The following IPO11 variants were observed in gnomAD, a reference collection of about 807,000 sequenced individuals.
The protein encoded by IPO11 is importin 11.
A neutral mutation model predicts 143.2 loss-of-function variants in IPO11; 66 were observed. The observed-to-expected ratio is 0.46, with a 90% CI of 0.38 to 0.57. The LOEUF is 0.57. Ranked by LOEUF, IPO11 falls within the 20% of genes least tolerant of loss-of-function variation. The pLI is 0.00. For synonymous variants in IPO11, 385 were observed against 377.8 expected (o/e 1.02, Z -0.22); for missense variants, 1,026 against 1,141.0 (o/e 0.90, Z 1.45).
chr5:62,480,622 G>A (rs933308197), intron 9 of IPO11, among the ~76,000 whole-genome samples: 1 of 152,080 alleles, frequency 6.6e-6, no homozygotes, highest in African/African-American at 2.4e-5. Flanking sequence ...GTTGAGCAGT[G>A]GTTTGTAGTT....
intron 19 of IPO11, among the ~76,000 whole-genome samples, chr5:62,510,002 A>G (rs563507776): frequency 1.3e-5 from 2 of 152,300 alleles, no homozygotes; most frequent in South Asian, 4.1e-4. Context: ...GTAACATTTT[A>G]CATTCCTAGC....
At chr5:62,564,209 C>A (rs1743862345) in intron 27 of IPO11, among the ~76,000 whole-genome samples, 1 of 151,550 alleles carries the variant, frequency 6.6e-6, no homozygotes, top group Non-Finnish European at 1.5e-5. Context: ...ACCTTTATTG[C>A]AGTAGAAATT....
chr5:62,499,552 A>T (rs1329228492), intron 16 of IPO11, among the ~76,000 whole-genome samples: 1 of 149,642 alleles, frequency 6.7e-6, no homozygotes, highest in Non-Finnish European at 1.5e-5. Context: ...CAATAAATTA[A>T]CCACATCTTA....
chr5:62,443,391 G>A (rs1744572355), intron 3 of IPO11: 1 of 107,220 alleles, frequency 9.3e-6, no homozygotes, highest in Non-Finnish European at 1.7e-5. Context: ...GAGTGTGTGT[G>A]TGTGTGTGTG....
intron 26 of IPO11, chr5:62,560,853 T>G (rs1743745196): frequency 4.9e-6 from 1 of 205,546 alleles, no homozygotes; most frequent in Non-Finnish European, 9.7e-6. Context: ...TTGTACCAGA[T>G]TGGCAGTGAT....
chr5:62,579,276 G>A lies in IPO11; in HGVS notation c.2583-12301G>A, dbSNP rs1156643067. ...CTCATTATTTTTTGCTATTACCATG[G>A]TATGATTTATGATAGTATTATTGGC... On this transcript the variant is annotated intron_variant, in intron 27 of 29. Coordinates refer to ENST00000325324, the MANE Select transcript of IPO11 (RefSeq NM_016338.5). 4.4e-6 allele frequency: 3 copies of A among 677,890 alleles called. No individual in the cohort carries two copies. In the East Asian group the frequency reaches 8.3e-5, roughly 19 times the overall value. The allele number at this position is 677,890 out of a possible 1,614,324, so 42.0% of individuals were successfully genotyped here.
intron 16 of IPO11, among the ~76,000 whole-genome samples, chr5:62,495,194 G>A: frequency 6.6e-6 from 1 of 152,196 alleles, no homozygotes; most frequent in East Asian, 1.9e-4. Flanking sequence ...TATAAGCATG[G>A]GAAGTTACAA....
intron 27 of IPO11, among the ~76,000 whole-genome samples, chr5:62,570,988 T>C (rs540466061): frequency 1.3e-5 from 2 of 152,302 alleles, no homozygotes; most frequent in South Asian, 2.1e-4. Flanking sequence ...TGATGTGATA[T>C]AGAAAAATAA....
Position 62,601,848 on chromosome 5 carries a change from G to T in IPO11, c.2763G>T (p.Met921Ile). 1 of 1,564,446 alleles carries T rather than the reference G, an allele frequency of 6.4e-7. No individual in the cohort carries two copies. The highest frequency in any genetic ancestry group is 1.2e-5 in the South Asian group (1 of 82,514). The change falls in exon 29 of 30, where the codon ATG (methionine) becomes ATT (isoleucine). Residue 921 changes from methionine to isoleucine, a missense_variant and splice_region_variant. Around this residue, in one of 5 missense-constraint regions of IPO11, gnomAD observed 351 missense variants for 358.9 expected, o/e 0.98. Coordinates refer to ENST00000325324, the MANE Select transcript of IPO11 (RefSeq NM_016338.5). ...CAGAACAAGATAAGAGGAAAAAGAT[G>T]GTAAGTTATAAAAGTAGCTTGTAAA... ...PPTEQDKRKK[M>I]LALKDPVHTV...
chr5:62,544,957 C>G (rs1411710481), intron 24 of IPO11, among the ~76,000 whole-genome samples: 4 of 152,040 alleles, frequency 2.6e-5, no homozygotes, highest in Admixed American at 6.6e-5. Flanking sequence ...AGGACACAAA[C>G]AAATGGAAGA....
intron 1 of IPO11, among the ~76,000 whole-genome samples, chr5:62,436,584 C>G (rs1234718245): frequency 6.6e-6 from 1 of 152,114 alleles, no homozygotes; most frequent in Non-Finnish European, 1.5e-5. Flanking sequence ...TCAACAAAAT[C>G]AAGAAATTGT....
intron 20 of IPO11, among the ~76,000 whole-genome samples, chr5:62,517,609 G>A (rs1410719305): frequency 3.3e-5 from 5 of 152,224 alleles, no homozygotes; most frequent in South Asian, 2.1e-4. Flanking sequence ...CTCCATGTTG[G>A]TCAGGCTGGT....
chr5:62,626,115 C>T (rs550401380), intron 29 of IPO11, among the ~76,000 whole-genome samples: 7 of 152,256 alleles, frequency 4.6e-5, no homozygotes, highest in South Asian at 4.1e-4. Context: ...CTGCAACCTC[C>T]GCATCCCAGA....
At chr5:62,519,485 T>C (rs1742136969) in intron 20 of IPO11, among the ~76,000 whole-genome samples, 1 of 152,224 alleles carries the variant, frequency 6.6e-6, no homozygotes, top group Admixed American at 6.5e-5. Flanking sequence ...GCATAGAAGA[T>C]GAAAATGTAA....
intron 8 of IPO11, among the ~76,000 whole-genome samples, chr5:62,476,208 A>G (rs751821007): frequency 1.3e-5 from 2 of 152,204 alleles, no homozygotes; most frequent in African/African-American, 4.8e-5. Flanking sequence ...CAAACAGAAT[A>G]TGAAGAGTAT....
Position 62,610,976 on chromosome 5 carries a change from C to T in IPO11, c.2763+9128C>T, listed in dbSNP as rs115011967. Among the ~76,000 whole-genome samples, 1,083 of 152,222 alleles carry T rather than the reference C, an allele frequency of 7.1e-3. 14 individuals carry two copies. The highest frequency in any genetic ancestry group is 0.025 in the African/African-American group (1,019 of 41,564). On this transcript the variant is annotated intron_variant, in intron 29 of 29. Transcript: ENST00000325324. ...AAAGATGTACTTGTTTTTATCTATG[C>T]TTTGCTCACATTCTACCTGCTTCTC...
chr5:62,554,434 C>T (rs1218729882), intron 26 of IPO11, among the ~76,000 whole-genome samples: 1 of 152,024 alleles, frequency 6.6e-6, no homozygotes, highest in African/African-American at 2.4e-5. Context: ...GTCTTTAGTT[C>T]ATCTAGAGTT....
intron 24 of IPO11, 114 bp downstream of exon 24, chr5:62,537,403 CA>C: frequency 1.4e-6 from 1 of 695,196 alleles, no homozygotes; most frequent in Non-Finnish European, 2.4e-6. Context: ...TAGTTCTAGA[CA>C]GGCTATTTTG....
At chr5:62,615,111 A>C (rs1746081461) in intron 29 of IPO11, among the ~76,000 whole-genome samples, 1 of 152,102 alleles carries the variant, frequency 6.6e-6, no homozygotes, top group African/African-American at 2.4e-5. Flanking sequence ...GTACAGGATA[A>C]GGGGGTGTGG....
Sources: gnomAD v4.1 joint callset for allele counts (sites outside exome capture counted in the v4.1 genomes callset) on GRCh38, gnomAD v4.1.1 for gene constraint, gnomAD v4.1.1 regional missense constraint, MANE v1.5 for transcripts, NCBI Gene and HGNC (gene_info 2026-07-23, HGNC 2026-07-21) for gene names.